DLGAP2: variants seen among roughly 807,000 people sequenced by gnomAD.
DLGAP2 encodes the protein DLG associated protein 2.
DLGAP2 carries 26 observed loss-of-function variants against 100.3 expected under a neutral mutation model. The ratio of observed to expected loss-of-function variants is 0.26; its 90% CI spans 0.19 to 0.36. DLGAP2 has a LOEUF of 0.36. Among genes scored for constraint, DLGAP2 ranks in the 10% least tolerant of loss-of-function variants. The probability of loss-of-function intolerance (pLI) is 1.00; values close to 1 mark genes in which losing one functional copy is unlikely to be tolerated. For missense variants in DLGAP2, 1,858 were observed against 1,453.2 expected (o/e 1.28, Z -4.53); for synonymous variants, 886 against 630.1 (o/e 1.41, Z -6.08).
At chr8:1,213,987 G>A (rs4588883) in intron 2 of DLGAP2, among the ~76,000 whole-genome samples, 14,979 of 152,048 alleles carry the variant, frequency 0.099, 1,536 homozygotes, top group African/African-American at 0.26. Flanking sequence ...GGCCGCCTCT[G>A]CCCTAGCATC....
chr8:1,378,306 G>A (rs1179167512), intron 3 of DLGAP2, among the ~76,000 whole-genome samples: 1 of 110,276 alleles, frequency 9.1e-6, no homozygotes, highest in Non-Finnish European at 1.9e-5. Context: ...CACCTGTCCT[G>A]CGCACACCTG....
chr8:1,197,002 C>G lies in DLGAP2; in HGVS notation c.74-61849C>G, dbSNP rs114588998. Among the ~76,000 whole-genome samples, 1,193 of 152,180 alleles carry G rather than the reference C, an allele frequency of 7.8e-3. 14 individuals are homozygous for G. The highest frequency in any genetic ancestry group is 0.027 in the African/African-American group (1,141 of 41,508). On this transcript the variant is annotated intron_variant, in intron 2 of 14. Coordinates refer to ENST00000637795, the MANE Select transcript of DLGAP2 (RefSeq NM_001346810.2). ...GTGTGATTAAGTCTGCGTTTGAAGGCCTGAAAATCGGGGTGGGCAATGTCT... is the reference window on the plus strand; with the variant it reads ...GTGTGATTAAGTCTGCGTTTGAAGGGCTGAAAATCGGGGTGGGCAATGTCT...
At chr8:1,218,888 T>C (rs545041566) in intron 2 of DLGAP2, among the ~76,000 whole-genome samples, 5 of 152,268 alleles carry the variant, frequency 3.3e-5, no homozygotes, top group African/African-American at 9.6e-5. Flanking sequence ...TTTGTGACTA[T>C]TGTGAATGGG....
intron 6 of DLGAP2, among the ~76,000 whole-genome samples, chr8:1,597,008 T>C (rs1472647814): frequency 1.3e-5 from 2 of 152,258 alleles, no homozygotes; most frequent in Non-Finnish European, 2.9e-5. Flanking sequence ...GTCTTATGTT[T>C]AAGTCTTTTA....
chr8:1,229,419 T>G lies in DLGAP2; in HGVS notation c.74-29432T>G, dbSNP rs143150311. Reference sequence around the variant, plus strand: ...TTTTGGAACTTGATAATGATCTGTTTAGGGTTTGTATTTCTTGCTGATTCA... The same window carrying G: ...TTTTGGAACTTGATAATGATCTGTTGAGGGTTTGTATTTCTTGCTGATTCA... On this transcript the variant is annotated intron_variant, in intron 2 of 14. Coordinates refer to ENST00000637795, the MANE Select transcript of DLGAP2 (RefSeq NM_001346810.2). Among the ~76,000 whole-genome samples the G allele has an allele frequency of 5.3e-5, 8 of 152,252 alleles. No homozygotes were observed. In the East Asian group the frequency reaches 1.5e-3, roughly 29 times the overall value.
intron 1 of DLGAP2, among the ~76,000 whole-genome samples, chr8:817,506 G>C (rs1437588919): frequency 6.6e-6 from 1 of 152,194 alleles, no homozygotes; most frequent in Non-Finnish European, 1.5e-5. Flanking sequence ...TGCTGGTGAG[G>C]TAATATGATC....
intron 8 of DLGAP2, among the ~76,000 whole-genome samples, chr8:1,637,413 T>C (rs756311408): frequency 1.3e-4 from 20 of 152,086 alleles, no homozygotes; most frequent in South Asian, 6.2e-4. Flanking sequence ...TCAGAAACTG[T>C]TGCGCGGGGC....
intron 3 of DLGAP2, among the ~76,000 whole-genome samples, chr8:1,477,566 C>T (rs1798970770): frequency 6.6e-6 from 1 of 152,162 alleles, no homozygotes; most frequent in African/African-American, 2.4e-5. Context: ...TGGTCATCTT[C>T]AGAGCCTGTC....
intron 4 of DLGAP2, among the ~76,000 whole-genome samples, chr8:1,518,050 T>A (rs191149675): frequency 1.3e-5 from 2 of 152,318 alleles, no homozygotes; most frequent in Non-Finnish European, 2.9e-5. Flanking sequence ...TAAAAGTGAT[T>A]AAAACTGATG....
intron 6 of DLGAP2, chr8:1,604,533 T>G (rs938351136): frequency 6.6e-6 from 1 of 152,264 alleles, no homozygotes; most frequent in Non-Finnish European, 1.5e-5. Flanking sequence ...GAATCAACAT[T>G]ACATGCAAGC....
At chr8:1,678,789 T>C (rs190353202) in intron 12 of DLGAP2, 160 bp downstream of exon 12, 24 of 788,034 alleles carry the variant, frequency 3.0e-5, no homozygotes, top group Admixed American at 3.9e-5. Context: ...TAAGAAAAGA[T>C]ATAAATTACA....
At chr8:1,155,365 G>T (rs1026126573) in intron 2 of DLGAP2, among the ~76,000 whole-genome samples, 2 of 152,186 alleles carry the variant, frequency 1.3e-5, no homozygotes, top group African/African-American at 2.4e-5. Context: ...GGGCTGGGGG[G>T]TCTCCCCGGA....
intron 1 of DLGAP2, among the ~76,000 whole-genome samples, chr8:900,394 C>T (rs933948851): frequency 3.3e-5 from 5 of 152,226 alleles, no homozygotes; most frequent in African/African-American, 4.8e-5. Flanking sequence ...GGTGGGCGCC[C>T]TCCTCTTCAC....
At position 1,302,233 on chromosome 8, in the gene DLGAP2, A is replaced by G. The variant is rs973740766; in HGVS notation, c.106+43350A>G. The G allele has an allele frequency of 6.0e-5, 9 of 149,114 alleles. 1 individual carries two copies. Among genetic ancestry groups the G allele is most frequent in the African/African-American group, 2.3e-4 (9 of 39,678 alleles). The allele number at this position is 149,114 out of a possible 1,614,324, so 9.2% of individuals were successfully genotyped here. A position where few individuals can be genotyped will look rare whatever the true frequency, so the allele number is the denominator to read the frequency against. ...TGTGAGTTCCCGAGCTCTGCTCCAT[A>G]CCTGGGACCGGACTCAGCATTTTCT... is the stretch of plus-strand genomic sequence containing the variant. On this transcript the variant is annotated intron_variant, in intron 3 of 14. Transcript: ENST00000637795.
intron 3 of DLGAP2, among the ~76,000 whole-genome samples, chr8:1,466,036 G>A (rs917339581): frequency 3.9e-5 from 6 of 152,182 alleles, no homozygotes; most frequent in African/African-American, 9.7e-5. Context: ...CACCGTGGGC[G>A]AAAGCCGGTT....
At chr8:1,067,679 C>T (rs922115839) in intron 2 of DLGAP2, among the ~76,000 whole-genome samples, 5 of 151,000 alleles carry the variant, frequency 3.3e-5, no homozygotes, top group African/African-American at 1.2e-4. Flanking sequence ...TTTAGGTACC[C>T]AGCAAAATTA....
intron 2 of DLGAP2, among the ~76,000 whole-genome samples, chr8:1,219,587 G>A (rs972136479): frequency 1.3e-5 from 2 of 151,904 alleles, no homozygotes; most frequent in Non-Finnish European, 2.9e-5. Context: ...TTTTTTCTTT[G>A]TATCTCTGCC....
intron 3 of DLGAP2, among the ~76,000 whole-genome samples, chr8:1,431,162 C>T (rs145513079): frequency 1.6e-4 from 24 of 152,340 alleles, no homozygotes; most frequent in African/African-American, 5.8e-4. Context: ...GATTCAAATA[C>T]AAGTCAGTGA....
intron 2 of DLGAP2, among the ~76,000 whole-genome samples, chr8:1,029,615 G>T (rs916190435): frequency 3.8e-5 from 5 of 131,844 alleles, no homozygotes; most frequent in Non-Finnish European, 7.6e-5. Context: ...GTTCTGGCAG[G>T]ATGGCCTAGG....
Sources: allele counts gnomAD v4.1 joint callset (sites outside exome capture counted in the v4.1 genomes callset), GRCh38; gene constraint gnomAD v4.1.1; transcripts MANE v1.5; gene names NCBI Gene and HGNC (gene_info 2026-07-23, HGNC 2026-07-21).